Variants in CCDC192 observed in about 807,000 individuals in gnomAD.
CCDC192 encodes the protein coiled-coil domain containing 192.
intron 5 of CCDC192, among the ~76,000 whole-genome samples, chr5:127,804,704 A>G (rs1726959297): frequency 1.3e-5 from 2 of 152,238 alleles, no homozygotes; most frequent in African/African-American, 4.8e-5. Flanking sequence ...CAGAAACATT[A>G]GCATCACCTA....
chr5:127,859,988 G>C (rs951506053), intron 5 of CCDC192, among the ~76,000 whole-genome samples: 1 of 152,016 alleles, frequency 6.6e-6, no homozygotes, highest in African/African-American at 2.4e-5. Context: ...GTGCGTACTG[G>C]AATGACTTCC....
At chr5:127,781,245 G>T (rs1756202325) in intron 3 of CCDC192, among the ~76,000 whole-genome samples, 1 of 152,096 alleles carries the variant, frequency 6.6e-6, no homozygotes. Context: ...TTATAGTATA[G>T]TTTGAAATTA....
chr5:127,844,951 A>G (rs1750464888), intron 5 of CCDC192, among the ~76,000 whole-genome samples: 1 of 152,132 alleles, frequency 6.6e-6, no homozygotes, highest in African/African-American at 2.4e-5. Flanking sequence ...ATTATTTTTT[A>G]AACCAAAGGG....
chr5:127,898,280 T>C (rs1025219751), intron 6 of CCDC192, among the ~76,000 whole-genome samples: 94 of 152,104 alleles, frequency 6.2e-4, no homozygotes, highest in African/African-American at 2.2e-3. Flanking sequence ...GGCTAATTTC[T>C]GTATTTTTAA....
chr5:127,906,542 C>T (rs1753198476), intron 6 of CCDC192, among the ~76,000 whole-genome samples: 1 of 152,078 alleles, frequency 6.6e-6, no homozygotes, highest in African/African-American at 2.4e-5. Flanking sequence ...TCCTAGCACT[C>T]TGAGAGGCTG....
At chr5:127,788,137 CA>C (rs988272443) in intron 3 of CCDC192, among the ~76,000 whole-genome samples, 84 of 149,108 alleles carry the variant, frequency 5.6e-4, no homozygotes, top group Non-Finnish European at 1.1e-3. Flanking sequence ...ACTATTCTCA[CA>C]AAAGTGTCTA....
chr5:127,786,920 TCTGGAC>T, intron 3 of CCDC192: 4 of 418,650 alleles, frequency 9.6e-6, no homozygotes, highest in African/African-American at 2.0e-5. Context: ...GCTCCATGTA[TCTGGAC>T]CTGGTCATGC....
chr5:127,786,946 T>C (rs1756573523), intron 3 of CCDC192: 51 of 398,742 alleles, frequency 1.3e-4, no homozygotes, highest in South Asian at 1.3e-3. Context: ...CTGTGCCACA[T>C]GTACACCTGC....
chr5:127,735,601 C>T (rs1253557153), intron 2 of CCDC192, among the ~76,000 whole-genome samples: 2 of 113,038 alleles, frequency 1.8e-5, no homozygotes, highest in Admixed American at 1.9e-4. Context: ...TCTTTTATTT[C>T]CTTGAGCAGT....
chr5:127,750,993 T>A lies in CCDC192; in HGVS notation c.115-3275T>A, dbSNP rs534547672. 2.7e-5 allele frequency among the ~76,000 whole-genome samples: 4 copies of A among 147,198 alleles called. No homozygotes were observed. In the East Asian group the frequency reaches 8.1e-4, roughly 30 times the overall value. On this transcript the variant is annotated intron_variant, in intron 2 of 6. Coordinates refer to ENST00000514853, the MANE Select transcript of CCDC192 (RefSeq NM_001317938.2). ...TAGATCTTCCTCCATCCTTTTATTT[T>A]GAGCCTATGTGTGTCTCTGCACGTG...
rs139801125 is a variant in CCDC192, at chr5:127,721,015, A to G, written c.114+13255A>G. ...GAGGGACTGACATGAAGTTCTCTGA[A>G]ATGTCTTCGAGGTCTTTCCCCATTA... is the stretch of plus-strand genomic sequence containing the variant. On this transcript the variant is annotated intron_variant, in intron 2 of 6. Coordinates refer to ENST00000514853, the MANE Select transcript of CCDC192 (RefSeq NM_001317938.2). Among the ~76,000 whole-genome samples, 11 of 152,278 alleles carry G rather than the reference A, an allele frequency of 7.2e-5. No individual in the cohort carries two copies. The East Asian group carries it at 2.1e-3, about 29-fold the overall frequency.
At chr5:127,766,811 TC>T (rs1755252695) in intron 3 of CCDC192, among the ~76,000 whole-genome samples, 1 of 152,126 alleles carries the variant, frequency 6.6e-6, no homozygotes, top group East Asian at 1.9e-4. Flanking sequence ...TTCTGTGTTT[TC>T]TTTGGAACCC....
In CCDC192 at chr5:127,827,207, G is replaced by A. The variant is rs188933356; in HGVS notation, c.411+29045G>A. Reference sequence around the variant, plus strand: ...AAGTAGGGAAAATTCCCAAAAAGCCGAACCTTTTTCAGAGAAGTCAATTTG... The same window carrying A: ...AAGTAGGGAAAATTCCCAAAAAGCCAAACCTTTTTCAGAGAAGTCAATTTG... On this transcript the variant is annotated intron_variant, in intron 5 of 6. Transcript: ENST00000514853. Among the ~76,000 whole-genome samples, 10 of 152,278 alleles carry A rather than the reference G, an allele frequency of 6.6e-5. No homozygotes were observed. The East Asian group carries it at 1.7e-3, about 26-fold the overall frequency.
chr5:127,737,782 G>A (rs1199270982), intron 2 of CCDC192, among the ~76,000 whole-genome samples: 4 of 151,740 alleles, frequency 2.6e-5, no homozygotes, highest in Non-Finnish European at 5.9e-5. Flanking sequence ...CCATTTGCTT[G>A]GTAGATCTTC....
intron 1 of CCDC192, among the ~76,000 whole-genome samples, chr5:127,704,142 T>A (rs1477394344): frequency 1.3e-5 from 2 of 152,216 alleles, no homozygotes; most frequent in Non-Finnish European, 2.9e-5. Context: ...GGCAGTATCC[T>A]TGTGGGATGT....
At chr5:127,808,328 C>T (rs1263447887) in intron 5 of CCDC192, among the ~76,000 whole-genome samples, 3 of 151,836 alleles carry the variant, frequency 2.0e-5, no homozygotes, top group African/African-American at 7.3e-5. Context: ...AGTATATCTA[C>T]CTTTTTTTTC....
intron 3 of CCDC192, chr5:127,787,073 G>A: frequency 3.9e-6 from 1 of 258,180 alleles, no homozygotes. Context: ...GTCCAGTGCA[G>A]CAATCCTTAT....
At chr5:127,793,653 A>T (rs996131159) in intron 3 of CCDC192, among the ~76,000 whole-genome samples, 1 of 152,208 alleles carries the variant, frequency 6.6e-6, no homozygotes, top group Non-Finnish European at 1.5e-5. Context: ...TACAATGAAG[A>T]TAACAAAAAA....
intron 2 of CCDC192, among the ~76,000 whole-genome samples, chr5:127,724,403 T>C (rs886677080): frequency 1.3e-5 from 2 of 152,132 alleles, no homozygotes; most frequent in African/African-American, 4.8e-5. Context: ...CAGCATTGAG[T>C]TTTTGCCTCC....
Sources: allele counts gnomAD v4.1 joint callset (sites outside exome capture counted in the v4.1 genomes callset), GRCh38; gene constraint gnomAD v4.1.1; transcripts MANE v1.5; gene names NCBI Gene and HGNC (gene_info 2026-07-23, HGNC 2026-07-21).